Variants in HTT observed in about 807,000 individuals in gnomAD.
HTT encodes huntingtin.
HTT carries 104 observed loss-of-function variants against 362.3 expected under a neutral mutation model. That is an observed-to-expected ratio of 0.29 (90% CI 0.24 to 0.34). HTT has a LOEUF of 0.34. Among genes scored for constraint, HTT ranks in the 10% least tolerant of loss-of-function variants. The pLI is 1.00. For synonymous variants in HTT, 1,577 were observed against 1,548.7 expected (o/e 1.02, Z -0.43); for missense variants, 3,301 against 3,928.6 (o/e 0.84, Z 4.27).
At chr4:3,181,723 A>G (rs139223316) in intron 36 of HTT, among the ~76,000 whole-genome samples, 1 of 152,338 alleles carries the variant, frequency 6.6e-6, no homozygotes, top group Non-Finnish European at 1.5e-5. Context: ...ATGCAAAAGT[A>G]CATGTATCAT....
intron 47 of HTT, among the ~76,000 whole-genome samples, chr4:3,210,983 A>G (rs1720130317): frequency 7.1e-6 from 1 of 141,460 alleles, no homozygotes; most frequent in Non-Finnish European, 1.5e-5. Flanking sequence ...GCTCACTGCA[A>G]CCTCCGCCTC....
At chr4:3,211,464 A>T (rs898798207) in intron 47 of HTT, among the ~76,000 whole-genome samples, 1 of 152,240 alleles carries the variant, frequency 6.6e-6, no homozygotes, top group African/African-American at 2.4e-5. Context: ...ACATAATCCA[A>T]ATTGACATAA....
chr4:3,188,897 A>T, intron 39 of HTT, 54 bp from the exon 40 acceptor site: 1 of 1,523,796 alleles, frequency 6.6e-7, no homozygotes, highest in South Asian at 1.2e-5. Context: ...TACTTGGCGT[A>T]AGTGCTTTAT....
intron 25 of HTT, 73 bp downstream of exon 25, chr4:3,147,021 AGCAT>A (rs1716636591): frequency 1.4e-6 from 2 of 1,440,456 alleles, no homozygotes; most frequent in African/African-American, 2.8e-5. Context: ...GGGGGTGGTG[AGCAT>A]ATGAGGGGAA....
At chr4:3,203,494 A>T (rs1298388014) in intron 41 of HTT, among the ~76,000 whole-genome samples, 1 of 152,264 alleles carries the variant, frequency 6.6e-6, no homozygotes, top group African/African-American at 2.4e-5. Context: ...AAGTCAGTGT[A>T]GAGTGAAATA....
In HTT at chr4:3,132,852, C is replaced by G; in HGVS notation, c.2434C>G (p.Arg812Gly). ...FSLADCIPLL[R>G]KTLKDESSVT... ...TTTGGCGGATTGCATTCCTTTGCTGCGGAAAACACTGAAGGATGAGTCTTC... is the reference window on the plus strand; with the variant it reads ...TTTGGCGGATTGCATTCCTTTGCTGGGGAAAACACTGAAGGATGAGTCTTC... The change falls in exon 18 of 67, where the codon CGG (arginine) becomes GGG (glycine). Residue 812 changes from arginine to glycine, a missense_variant. Coordinates refer to ENST00000355072, the MANE Select transcript of HTT (RefSeq NM_001388492.1). The G allele has an allele frequency of 6.2e-7, 1 of 1,614,050 alleles. No homozygotes were observed. Among genetic ancestry groups the G allele is most frequent in the Non-Finnish European group, 8.5e-7 (1 of 1,179,904 alleles).
At chr4:3,142,317 T>C (rs942476381) in intron 22 of HTT, among the ~76,000 whole-genome samples, 5 of 152,216 alleles carry the variant, frequency 3.3e-5, no homozygotes, top group African/African-American at 7.2e-5. Flanking sequence ...TCATTTATAA[T>C]TTATTTTATT....
chr4:3,179,288 A>G (rs774133585), intron 35 of HTT, among the ~76,000 whole-genome samples: 6 of 152,182 alleles, frequency 3.9e-5, no homozygotes, highest in Non-Finnish European at 7.3e-5. Context: ...CTTCAGATTC[A>G]CACAGCCAAA....
intron 38 of HTT, among the ~76,000 whole-genome samples, chr4:3,187,344 A>G (rs1718814356): frequency 6.6e-6 from 1 of 151,558 alleles, no homozygotes; most frequent in Admixed American, 6.6e-5. Flanking sequence ...TTTAGTAGAG[A>G]CGGGGTTTCA....
chr4:3,176,660 T>G (rs562017809), intron 33 of HTT, among the ~76,000 whole-genome samples: 2 of 152,336 alleles, frequency 1.3e-5, no homozygotes, highest in Middle Eastern at 6.8e-3. Flanking sequence ...TGATTGCCTT[T>G]CATCAACCGG....
chr4:3,132,990 T>C, intron 18 of HTT, 79 bp downstream of exon 18: 1 of 1,065,362 alleles, frequency 9.4e-7, no homozygotes, highest in Non-Finnish European at 1.5e-6. Flanking sequence ...TGGAGCTTAA[T>C]AGGAAATATT....
intron 66 of HTT, 62 bp from the exon 67 acceptor site, chr4:3,239,784 G>A: frequency 7.7e-7 from 1 of 1,304,036 alleles, no homozygotes; most frequent in Non-Finnish European, 1.1e-6. Context: ...GAACTCCCAG[G>A]TGAGGACAGG....
At chr4:3,113,965 T>C (rs1359421032) in intron 6 of HTT, among the ~76,000 whole-genome samples, 1 of 151,858 alleles carries the variant, frequency 6.6e-6, no homozygotes, top group Admixed American at 6.6e-5. Flanking sequence ...CACACAGAAA[T>C]ATAGAGGTGT....
At chr4:3,185,502 A>G (rs1450483686) in intron 37 of HTT, among the ~76,000 whole-genome samples, 3 of 152,232 alleles carry the variant, frequency 2.0e-5, no homozygotes, top group African/African-American at 7.2e-5. Context: ...TTTACTATGT[A>G]TACACACTCA....
chr4:3,199,390 A>G (rs1043588325), intron 40 of HTT, among the ~76,000 whole-genome samples: 2 of 152,066 alleles, frequency 1.3e-5, no homozygotes, highest in African/African-American at 4.8e-5. Context: ...AAATACAAAT[A>G]TTAGCTGGGC....
intron 36 of HTT, 47 bp downstream of exon 36, chr4:3,180,698 G>T: frequency 6.6e-7 from 1 of 1,523,676 alleles, no homozygotes; most frequent in South Asian, 1.3e-5. Flanking sequence ...TTATTGACCC[G>T]TGCAGATGGA....
At chr4:3,095,434 G>T (rs1713807490) in intron 2 of HTT, among the ~76,000 whole-genome samples, 1 of 152,224 alleles carries the variant, frequency 6.6e-6, no homozygotes, top group African/African-American at 2.4e-5. Flanking sequence ...GCTGAGGCAG[G>T]AGAATCAGGT....
chr4:3,083,578 CACACACACATAT>C (rs1282465415), intron 1 of HTT, among the ~76,000 whole-genome samples: 7 of 131,996 alleles, frequency 5.3e-5, no homozygotes, highest in Admixed American at 4.4e-4. Flanking sequence ...CACACACACA[CACACACACATAT>C]ATATGTATAT....
At chr4:3,090,822 C>G (rs1320229333) in intron 2 of HTT, among the ~76,000 whole-genome samples, 2 of 152,180 alleles carry the variant, frequency 1.3e-5, no homozygotes, top group South Asian at 2.1e-4. Flanking sequence ...ATCTCAAAAT[C>G]ATCACCAGGC....
Sources: gnomAD v4.1 joint callset for allele counts (sites outside exome capture counted in the v4.1 genomes callset) on GRCh38, gnomAD v4.1.1 for gene constraint, MANE v1.5 for transcripts, NCBI Gene and HGNC (gene_info 2026-07-23, HGNC 2026-07-21) for gene names.